Variants in GXYLT2 observed in about 807,000 individuals in gnomAD.
GXYLT2 encodes glucoside xylosyltransferase 2.
A neutral mutation model predicts 45.8 loss-of-function variants in GXYLT2; 53 were observed. The observed-to-expected ratio is 1.16, with a 90% CI of 0.93 to 1.46. The LOEUF (loss-of-function observed/expected upper bound fraction) is 1.46, where lower values mean the gene tolerates loss of function less well. GXYLT2 is among the 40% of genes most tolerant of loss of function. The pLI is 0.00. For synonymous variants in GXYLT2, 219 were observed against 214.2 expected (o/e 1.02, Z -0.19); for missense variants, 551 against 544.4 (o/e 1.01, Z -0.12).
chr3:72,970,985 T>C (rs1370218682), intron 6 of GXYLT2, among the ~76,000 whole-genome samples: 2 of 152,238 alleles, frequency 1.3e-5, no homozygotes, highest in African/African-American at 2.4e-5. Context: ...GATTTAATTA[T>C]GCAGAAAATT....
chr3:72,952,201 G>A (rs889425632), intron 3 of GXYLT2, among the ~76,000 whole-genome samples: 3 of 151,590 alleles, frequency 2.0e-5, no homozygotes, highest in Non-Finnish European at 4.4e-5. Flanking sequence ...CAGGGTTTCA[G>A]CATATTGGCC....
At chr3:72,934,181 T>C (rs1279038958) in intron 3 of GXYLT2, among the ~76,000 whole-genome samples, 2 of 150,504 alleles carry the variant, frequency 1.3e-5, no homozygotes, top group Admixed American at 1.3e-4. Context: ...TCCTCCTGGG[T>C]TCAAGTGATC....
chr3:72,908,255 A>G (rs766489128), intron 1 of GXYLT2, 112 bp from the exon 2 acceptor site: 1 of 682,594 alleles, frequency 1.5e-6, no homozygotes, highest in Non-Finnish European at 2.4e-6. Flanking sequence ...AAAATATAAC[A>G]GATTGTGCCT....
chr3:72,969,531 C>G lies in GXYLT2; in HGVS notation c.1149+1812C>G, dbSNP rs75565619. On this transcript the variant is annotated intron_variant, in intron 6 of 6. Coordinates refer to ENST00000389617, the MANE Select transcript of GXYLT2 (RefSeq NM_001080393.2). ...ATTTTTCTTTTGGTGGAGATGGGAT[C>G]TTGCTTTGTTGCCCAGGCTGATTTC... Among the ~76,000 whole-genome samples, 815 of 152,066 alleles carry G rather than the reference C, an allele frequency of 5.4e-3. 7 individuals carry two copies. The highest frequency in any genetic ancestry group is 0.019 in the African/African-American group (771 of 41,484).
In GXYLT2 at chr3:72,888,060, C is replaced by T; in HGVS notation, c.-174C>T. The T allele has an allele frequency of 5.0e-6, 1 of 200,442 alleles. No individual in the cohort carries two copies. Among genetic ancestry groups the T allele is most frequent in the Non-Finnish European group, 8.9e-6 (1 of 112,660 alleles). 12.4% of individuals were successfully genotyped at this position (200,442 alleles called of 1,614,324 possible). Reference sequence around the variant, plus strand: ...GCCTCCCCCTCCTCTCCTCTCTCTCCTCCTCCTTCGCCGTCGCCGCCGCCG... The same window carrying T: ...GCCTCCCCCTCCTCTCCTCTCTCTCTTCCTCCTTCGCCGTCGCCGCCGCCG... On this transcript the variant is annotated 5_prime_UTR_variant, in exon 1 of 7. Transcript: ENST00000389617.
chr3:72,908,263 C>T (rs1709546065), intron 1 of GXYLT2, 104 bp from the exon 2 acceptor site: 1 of 718,244 alleles, frequency 1.4e-6, no homozygotes, highest in Admixed American at 3.0e-5. Flanking sequence ...ACAGATTGTG[C>T]CTGATCATGT....
intron 3 of GXYLT2, among the ~76,000 whole-genome samples, chr3:72,925,436 A>G (rs1311862550): frequency 1.3e-5 from 2 of 152,134 alleles, no homozygotes; most frequent in African/African-American, 4.8e-5. Flanking sequence ...GATTACAGGC[A>G]TGAGCCACTG....
chr3:72,958,143 A>G (rs1000658663), intron 5 of GXYLT2, among the ~76,000 whole-genome samples: 2 of 151,912 alleles, frequency 1.3e-5, no homozygotes, highest in Non-Finnish European at 2.9e-5. Context: ...ATGTGGTGGT[A>G]GGCACCTGTA....
intron 5 of GXYLT2, among the ~76,000 whole-genome samples, chr3:72,966,728 C>G (rs1264614346): frequency 2.6e-5 from 4 of 151,818 alleles, no homozygotes; most frequent in African/African-American, 9.7e-5. Context: ...CACCTCCTGG[C>G]TATTCTCCCG....
chr3:72,941,536 C>T (rs537367811), intron 3 of GXYLT2, among the ~76,000 whole-genome samples: 3 of 152,282 alleles, frequency 2.0e-5, no homozygotes, highest in East Asian at 1.9e-4. Flanking sequence ...GGCCATTCTA[C>T]GCCCCTACCT....
intron 1 of GXYLT2, among the ~76,000 whole-genome samples, chr3:72,899,020 C>T (rs927157424): frequency 2.0e-5 from 3 of 150,942 alleles, no homozygotes; most frequent in Admixed American, 6.6e-5. Context: ...CGTGAGCCAC[C>T]GCGCCCGGCC....
intron 5 of GXYLT2, among the ~76,000 whole-genome samples, chr3:72,960,765 CAGAGT>C (rs1463299371): frequency 6.6e-6 from 1 of 152,098 alleles, no homozygotes; most frequent in Non-Finnish European, 1.5e-5. Context: ...ATATTGATTG[CAGAGT>C]ACTTTCCACA....
Position 72,976,895 on chromosome 3 carries a change from AATATT to A in GXYLT2, c.*1738_*1742del, listed in dbSNP as rs1248392033. 6.6e-6 allele frequency: 1 copy of A among 152,204 alleles called. No homozygotes were observed. The highest frequency in any genetic ancestry group is 1.5e-5 in the Non-Finnish European group (1 of 68,044). The allele number at this position is 152,204 out of a possible 1,614,324, so 9.4% of individuals were successfully genotyped here. A position where few individuals can be genotyped will look rare whatever the true frequency, so the allele number is the denominator to read the frequency against. On this transcript the variant is annotated 3_prime_UTR_variant, in exon 7 of 7. Transcript: ENST00000389617. The stretch of plus-strand genomic sequence containing the variant: ...TTACAGAGACATTTTTGAAAATTAA[AATATT>A]AAATACTTTTTGTTATATAGAGACA...
At chr3:72,899,032 G>T (rs1294499446) in intron 1 of GXYLT2, among the ~76,000 whole-genome samples, 1 of 152,122 alleles carries the variant, frequency 6.6e-6, no homozygotes, top group Non-Finnish European at 1.5e-5. Flanking sequence ...CGCCCGGCCA[G>T]AGAGGGCTCT....
At chr3:72,939,915 C>T (rs1453749664) in intron 3 of GXYLT2, among the ~76,000 whole-genome samples, 2 of 152,144 alleles carry the variant, frequency 1.3e-5, no homozygotes, top group Non-Finnish European at 2.9e-5. Flanking sequence ...CTCCTAGGCT[C>T]AAGCAATCCA....
intron 1 of GXYLT2, among the ~76,000 whole-genome samples, chr3:72,898,621 G>A (rs1399047125): frequency 6.6e-6 from 1 of 152,146 alleles, no homozygotes; most frequent in African/African-American, 2.4e-5. Context: ...GTCTGTTGTG[G>A]AGATCGTTCC....
rs546980506 is a variant in GXYLT2, at chr3:72,966,915, A to G, written c.977-632A>G. Among the ~76,000 whole-genome samples the G allele has an allele frequency of 2.2e-3, 340 of 152,206 alleles. 2 individuals carry two copies. The highest frequency in any genetic ancestry group is 7.8e-3 in the African/African-American group (325 of 41,534). ...GCTGGGATTACAGGCGTGAGCCACC[A>G]TGCCTGGCCCAGCTGCTAATTTTTA... On this transcript the variant is annotated intron_variant, in intron 5 of 6. Transcript: ENST00000389617.
chr3:72,950,997 A>G (rs1710513695), intron 3 of GXYLT2, among the ~76,000 whole-genome samples: 1 of 151,910 alleles, frequency 6.6e-6, no homozygotes, highest in Non-Finnish European at 1.5e-5. Flanking sequence ...CCCGCCCCTC[A>G]CTCTAAAAAA....
chr3:72,970,338 G>C (rs966881793), intron 6 of GXYLT2, among the ~76,000 whole-genome samples: 2 of 150,970 alleles, frequency 1.3e-5, no homozygotes, highest in African/African-American at 2.4e-5. Flanking sequence ...GTGACAGAGC[G>C]ACACTCCATC....
Sources: allele counts gnomAD v4.1 joint callset (sites outside exome capture counted in the v4.1 genomes callset), GRCh38; gene constraint gnomAD v4.1.1; transcripts MANE v1.5; gene names NCBI Gene and HGNC (gene_info 2026-07-23, HGNC 2026-07-21).